The following GRIN2A variants were observed in gnomAD, a reference collection of about 807,000 sequenced individuals.
GRIN2A encodes glutamate ionotropic receptor NMDA type subunit 2A, also known as glutamate receptor ionotropic, NMDA 2A.
In GRIN2A, 22 loss-of-function variants were observed where a neutral mutation model predicts 113.4. The observed-to-expected ratio is 0.19, with a 90% CI of 0.14 to 0.28. GRIN2A has a LOEUF of 0.28. GRIN2A is among the 10% of genes least tolerant of loss of function. The pLI, the probability that GRIN2A is intolerant of heterozygous loss-of-function variation, is 1.00. For synonymous variants in GRIN2A, 827 were observed against 738.4 expected (o/e 1.12, Z -1.94); for missense variants, 1,502 against 1,887.0 (o/e 0.80, Z 3.78).
chr16:10,053,554 T>C (rs1378587770), intron 2 of GRIN2A, among the ~76,000 whole-genome samples: 1 of 152,192 alleles, frequency 6.6e-6, no homozygotes, highest in African/African-American at 2.4e-5. Context: ...CTGGTATCTT[T>C]TGAGCAGGTG....
intron 2 of GRIN2A, among the ~76,000 whole-genome samples, chr16:10,007,000 A>G (rs1474408138): frequency 1.3e-5 from 2 of 152,212 alleles, no homozygotes; most frequent in Non-Finnish European, 2.9e-5. Context: ...TCCATTGTGT[A>G]TATGTACCAC....
rs1169871847 is a variant in GRIN2A at position 9,765,998 on chromosome 16, G to C, written c.2596-1050C>G. Among the ~76,000 whole-genome samples, 11 of 152,160 alleles carry C rather than the reference G, an allele frequency of 7.2e-5. No homozygotes were observed. The East Asian group carries it at 2.1e-3, about 29-fold the overall frequency. On this transcript the variant is annotated intron_variant, in intron 12 of 12. Coordinates refer to ENST00000330684, the MANE Select transcript of GRIN2A (RefSeq NM_001134407.3). ...AGCTGTTCAACTGTTATCAAGGGAAGAGCCCTTGATTCCTACCACAATAAC... is the reference window on the plus strand; with the variant it reads ...AGCTGTTCAACTGTTATCAAGGGAACAGCCCTTGATTCCTACCACAATAAC...
chr16:9,909,932 T>G (rs1479774797), intron 3 of GRIN2A, among the ~76,000 whole-genome samples: 1 of 152,206 alleles, frequency 6.6e-6, no homozygotes, highest in Non-Finnish European at 1.5e-5. Flanking sequence ...CAAAAAGTAA[T>G]ACATGTATTT....
chr16:9,917,136 C>G (rs1298743532), intron 3 of GRIN2A, among the ~76,000 whole-genome samples: 1 of 152,216 alleles, frequency 6.6e-6, no homozygotes. Flanking sequence ...TGATTCTTCA[C>G]CCTTCAGCTT....
chr16:10,007,931 T>G (rs1438160606), intron 2 of GRIN2A, among the ~76,000 whole-genome samples: 1 of 152,234 alleles, frequency 6.6e-6, no homozygotes, highest in African/African-American at 2.4e-5. Flanking sequence ...AAGCTTACTC[T>G]GACAAGTCAT....
At chr16:9,927,764 C>G (rs1201115497) in intron 3 of GRIN2A, among the ~76,000 whole-genome samples, 1 of 152,080 alleles carries the variant, frequency 6.6e-6, no homozygotes, top group Non-Finnish European at 1.5e-5. Flanking sequence ...TTGAAGTTTC[C>G]CCACTCACCC....
chr16:9,999,991 C>T (rs556360280), intron 2 of GRIN2A, among the ~76,000 whole-genome samples: 1 of 152,194 alleles, frequency 6.6e-6, no homozygotes, highest in South Asian at 2.1e-4. Flanking sequence ...TTTGCCTTTC[C>T]AGGTTCCAGG....
Position 10,140,000 on chromosome 16 carries a change from G to A in GRIN2A, c.414+39998C>T, listed in dbSNP as rs575400986. 2.6e-5 allele frequency among the ~76,000 whole-genome samples: 4 copies of A among 152,204 alleles called. No homozygotes were observed. In the South Asian group the frequency reaches 6.2e-4, roughly 24 times the overall value. The stretch of plus-strand genomic sequence containing the variant: ...CTGAGATCCAGTAAATGAGAAATAG[G>A]AATCTATAGCCCTGCTGAACATTTC... On this transcript the variant is annotated intron_variant, in intron 2 of 12. Transcript: ENST00000330684.
intron 2 of GRIN2A, among the ~76,000 whole-genome samples, chr16:10,061,055 A>C (rs904234879): frequency 2.6e-5 from 4 of 152,216 alleles, no homozygotes; most frequent in Non-Finnish European, 5.9e-5. Context: ...AGAGATGACC[A>C]ACAATAGACT....
At chr16:10,021,622 G>A (rs2141897913) in intron 2 of GRIN2A, among the ~76,000 whole-genome samples, 1 of 152,270 alleles carries the variant, frequency 6.6e-6, no homozygotes, top group South Asian at 2.1e-4. Flanking sequence ...CCTTTCTCAG[G>A]AGATGATGCA....
At chr16:9,788,547 C>G (rs914061684) in intron 11 of GRIN2A, among the ~76,000 whole-genome samples, 3 of 152,010 alleles carry the variant, frequency 2.0e-5, no homozygotes, top group Admixed American at 2.0e-4. Context: ...CATGAGCCAT[C>G]ATGCCTGGCC....
At chr16:10,119,531 G>C (rs969030267) in intron 2 of GRIN2A, among the ~76,000 whole-genome samples, 2 of 152,138 alleles carry the variant, frequency 1.3e-5, no homozygotes, top group Non-Finnish European at 2.9e-5. Context: ...GAAGGAAGGC[G>C]GCTTTTTGTC....
intron 2 of GRIN2A, among the ~76,000 whole-genome samples, chr16:9,964,098 T>C (rs935698093): frequency 1.3e-4 from 20 of 152,174 alleles, no homozygotes; most frequent in Non-Finnish European, 1.3e-4. Context: ...CAACACAGCC[T>C]GAGGATGAAG....
At chr16:9,981,416 G>C (rs548640900) in intron 2 of GRIN2A, among the ~76,000 whole-genome samples, 24 of 152,210 alleles carry the variant, frequency 1.6e-4, no homozygotes, top group African/African-American at 5.5e-4. Flanking sequence ...GTCAAACATA[G>C]AAAACAGAAA....
At chr16:9,791,660 C>T (rs1468427066) in intron 11 of GRIN2A, among the ~76,000 whole-genome samples, 3 of 152,104 alleles carry the variant, frequency 2.0e-5, no homozygotes, top group East Asian at 1.9e-4. Context: ...ACCCATCCAG[C>T]GGCCCAGAGC....
At chr16:9,816,113 G>A (rs972245157) in intron 10 of GRIN2A, among the ~76,000 whole-genome samples, 1 of 152,136 alleles carries the variant, frequency 6.6e-6, no homozygotes, top group Non-Finnish European at 1.5e-5. Flanking sequence ...GGGAAAAGGG[G>A]GTTGAGGAGT....
intron 2 of GRIN2A, among the ~76,000 whole-genome samples, chr16:10,035,806 C>T (rs2047014879): frequency 6.6e-6 from 1 of 151,244 alleles, no homozygotes; most frequent in Non-Finnish European, 1.5e-5. Flanking sequence ...TCACTGCAAA[C>T]TCTGCCTCCT....
intron 2 of GRIN2A, among the ~76,000 whole-genome samples, chr16:10,036,223 C>A (rs1421598587): frequency 2.0e-5 from 3 of 152,038 alleles, no homozygotes; most frequent in Non-Finnish European, 4.4e-5. Context: ...ACTGCTGTGG[C>A]AAAGTACTGC....
rs762350220 is a variant in GRIN2A, at chr16:9,834,157, G to A, written c.1725C>T (p.Val575=). Residue 575 remains valine, a synonymous_variant, in exon 8 of 13, where the codon GTC becomes GTT. Transcript: ENST00000330684. ...LLIVSAIAVF[V]FEYFSPVGYN... Reference sequence around the variant, plus strand: ...ATCCAACAGGGCTGAAGTATTCAAAGACAAAAACAGCTATGGCAGAAACAA... The same window carrying A: ...ATCCAACAGGGCTGAAGTATTCAAAAACAAAAACAGCTATGGCAGAAACAA... The A allele has an allele frequency of 1.2e-6, 2 of 1,613,546 alleles. No individual in the cohort carries two copies. The highest frequency in any genetic ancestry group is 1.7e-6 in the Non-Finnish European group (2 of 1,179,490).
Sources: allele counts gnomAD v4.1 joint callset (sites outside exome capture counted in the v4.1 genomes callset), GRCh38; gene constraint gnomAD v4.1.1; transcripts MANE v1.5; gene names NCBI Gene and HGNC (gene_info 2026-07-23, HGNC 2026-07-21).